The following UNC79 variants were observed in gnomAD, a reference collection of about 807,000 sequenced individuals.
UNC79 encodes protein unc-79 homolog.
UNC79 carries 37 observed loss-of-function variants against 283.1 expected under a neutral mutation model. That is an observed-to-expected ratio of 0.13 (90% CI 0.10 to 0.17). UNC79 has a LOEUF of 0.17. Among genes scored for constraint, UNC79 ranks in the 10% least tolerant of loss-of-function variants. UNC79 has a pLI of 1.00. For synonymous variants in UNC79, 1,107 were observed against 1,200.2 expected (o/e 0.92, Z 1.61); for missense variants, 2,272 against 3,211.1 (o/e 0.71, Z 7.07).
intron 1 of UNC79, among the ~76,000 whole-genome samples, chr14:93,459,761 C>G (rs1595516382): frequency 8.9e-6 from 1 of 112,618 alleles, no homozygotes; most frequent in Admixed American, 9.3e-5. Context: ...AGCTCCGCCT[C>G]TTGGGTTCAT....
intron 1 of UNC79, among the ~76,000 whole-genome samples, chr14:93,347,787 G>A (rs2053892667): frequency 6.6e-6 from 1 of 152,004 alleles, no homozygotes; most frequent in African/African-American, 2.4e-5. Flanking sequence ...GAAATCCTGG[G>A]CCACATCGAA....
At chr14:93,408,113 C>G (rs1198921832) in intron 1 of UNC79, among the ~76,000 whole-genome samples, 1 of 152,140 alleles carries the variant, frequency 6.6e-6, no homozygotes. Flanking sequence ...AAAGACAAAG[C>G]AAGCATCAGT....
intron 38 of UNC79, among the ~76,000 whole-genome samples, chr14:93,657,421 G>A (rs1233459598): frequency 2.7e-5 from 4 of 150,840 alleles, no homozygotes; most frequent in African/African-American, 7.3e-5. Flanking sequence ...GCACAATCTC[G>A]GCTCACTGCA....
intron 30 of UNC79, among the ~76,000 whole-genome samples, chr14:93,623,445 C>A (rs542582710): frequency 6.6e-6 from 1 of 152,258 alleles, no homozygotes; most frequent in Non-Finnish European, 1.5e-5. Flanking sequence ...TGCCTCAGGG[C>A]CATTTCTTGT....
intron 14 of UNC79, among the ~76,000 whole-genome samples, chr14:93,543,914 A>G (rs1354390988): frequency 6.6e-6 from 1 of 152,196 alleles, no homozygotes; most frequent in Non-Finnish European, 1.5e-5. Flanking sequence ...TTGGATTTTC[A>G]GGACTCAGAG....
intron 26 of UNC79, among the ~76,000 whole-genome samples, chr14:93,607,501 C>A (rs1270359779): frequency 1.3e-5 from 2 of 152,200 alleles, no homozygotes; most frequent in Non-Finnish European, 2.9e-5. Context: ...TCTACCACAA[C>A]TACCTCTTGA....
intron 39 of UNC79, among the ~76,000 whole-genome samples, 185 bp from the exon 43 acceptor site, chr14:93,662,419 G>A (rs992210131): frequency 4.6e-5 from 7 of 152,160 alleles, no homozygotes; most frequent in Admixed American, 2.6e-4. Flanking sequence ...TGCTCTTTGA[G>A]CCCTTGACTG....
intron 17 of UNC79, among the ~76,000 whole-genome samples, chr14:93,576,449 AAGAG>A (rs1407205688): frequency 6.6e-6 from 1 of 152,218 alleles, no homozygotes; most frequent in Non-Finnish European, 1.5e-5. Context: ...AAAGAAAAAA[AAGAG>A]AGAGAAATAT....
chr14:93,496,337 T>TTATA (rs1239583428), intron 5 of UNC79, 74 bp from the exon 6 acceptor site: 3 of 966,486 alleles, frequency 3.1e-6, no homozygotes, highest in South Asian at 1.9e-5. Context: ...AAGTAATTTC[T>TTATA]TATATATGTA....
Position 93,682,041 on chromosome 14 carries a change from C to T in UNC79, c.6742-576C>T, listed in dbSNP as rs527883644. Among the ~76,000 whole-genome samples, 6 of 152,306 alleles carry T rather than the reference C, an allele frequency of 3.9e-5. No individual in the cohort carries two copies. In the South Asian group the frequency reaches 1.0e-3, roughly 26 times the overall value. On this transcript the variant is annotated intron_variant, in intron 41 of 48. Coordinates refer to ENST00000555664, the Ensembl canonical transcript of UNC79. ...AAATGGACCCATAAGTCACTGCAGT[C>T]TGACGTGGTGACTGTTACAATGGAA...
intron 38 of UNC79, among the ~76,000 whole-genome samples, chr14:93,658,241 T>A (rs1271083634): frequency 6.6e-6 from 1 of 152,214 alleles, no homozygotes; most frequent in Non-Finnish European, 1.5e-5. Context: ...TTTGTTTTCA[T>A]CAGTTTATAG....
At chr14:93,638,833 T>C (rs1024322248) in intron 32 of UNC79, among the ~76,000 whole-genome samples, 1 of 152,200 alleles carries the variant, frequency 6.6e-6, no homozygotes, top group African/African-American at 2.4e-5. Flanking sequence ...GCTTCCTTTT[T>C]GCATTTCCCA....
At chr14:93,542,785 G>T in intron 14 of UNC79, 89 bp downstream of exon 14, 2 of 1,249,704 alleles carry the variant, frequency 1.6e-6, no homozygotes, top group Non-Finnish European at 1.2e-6. Flanking sequence ...ATCAGTGTCT[G>T]CAGAGGAGGA....
At chr14:93,587,456 T>C (rs1009749041) in intron 22 of UNC79, among the ~76,000 whole-genome samples, 1 of 152,230 alleles carries the variant, frequency 6.6e-6, no homozygotes, top group Admixed American at 6.5e-5. Context: ...CCTTATTTTA[T>C]ATGTATGAGA....
intron 14 of UNC79, among the ~76,000 whole-genome samples, chr14:93,553,019 A>G (rs1488161868): frequency 6.6e-6 from 1 of 152,250 alleles, no homozygotes; most frequent in South Asian, 2.1e-4. Context: ...AAAGCATGTC[A>G]TTCTCATAAA....
chr14:93,646,277 C>T (rs549618259), intron 34 of UNC79, among the ~76,000 whole-genome samples: 8 of 152,206 alleles, frequency 5.3e-5, no homozygotes, highest in South Asian at 2.1e-4. Flanking sequence ...AAATGAATTT[C>T]GAGTTGAGTT....
chr14:93,469,059 A>G (rs1263517527), intron 2 of UNC79, among the ~76,000 whole-genome samples: 1 of 152,254 alleles, frequency 6.6e-6, no homozygotes, highest in African/African-American at 2.4e-5. Flanking sequence ...TCTCAAAGCG[A>G]GAGACACTTT....
chr14:93,690,509 G>T lies in UNC79; in HGVS notation c.7272+206G>T, dbSNP rs533303773. The T allele has an allele frequency of 3.8e-6, 2 of 521,330 alleles. No homozygotes were observed. The highest frequency in any genetic ancestry group is 2.0e-5 in the African/African-American group (1 of 50,468). 32.3% of individuals were successfully genotyped at this position (521,330 alleles called of 1,614,324 possible). A position where few individuals can be genotyped will look rare whatever the true frequency, so the allele number is the denominator to read the frequency against. ...TCCCCCCGCCCCCAAATTGTTTTTC[G>T]GCTTACTTTTATAAAGATAAATCAT... is the stretch of plus-strand genomic sequence containing the variant. On this transcript the variant is annotated intron_variant, in intron 45 of 48. Transcript: ENST00000555664. This position sits in a 1 kb window ranked among gnomAD's most constrained non-coding sequence, Gnocchi z 4.3.
chr14:93,353,230 A>G (rs530394268), intron 1 of UNC79, among the ~76,000 whole-genome samples: 1 of 152,234 alleles, frequency 6.6e-6, no homozygotes, highest in South Asian at 2.1e-4. Context: ...TTGAGACAGT[A>G]TCTCACTGTG....
Sources: allele counts gnomAD v4.1 joint callset (sites outside exome capture counted in the v4.1 genomes callset), GRCh38; gene constraint gnomAD v4.1.1; non-coding constraint Gnocchi (gnomAD v3.1); transcripts MANE v1.5; gene names NCBI Gene and HGNC (gene_info 2026-07-23, HGNC 2026-07-21).